GADL1: variants seen among roughly 807,000 people sequenced by gnomAD.
GADL1 encodes acidic amino acid decarboxylase GADL1.
In GADL1, 71 loss-of-function variants were observed where a neutral mutation model predicts 69.5. The ratio of observed to expected loss-of-function variants is 1.02; its 90% confidence interval spans 0.84 to 1.25. The LOEUF (loss-of-function observed/expected upper bound fraction) is 1.25. Ranked by LOEUF, GADL1 falls within the 50% of genes most tolerant of loss-of-function variation. GADL1 has a pLI of 0.00. For missense variants in GADL1, 737 were observed against 631.8 expected (o/e 1.17, Z -1.79); for synonymous variants, 254 against 214.4 (o/e 1.18, Z -1.62).
At chr3:30,816,815 G>T (rs1697485255) in intron 11 of GADL1, among the ~76,000 whole-genome samples, 1 of 151,650 alleles carries the variant, frequency 6.6e-6, no homozygotes, top group African/African-American at 2.4e-5. Context: ...CAAAGTGCTG[G>T]GATTATAGGC....
At chr3:30,836,470 CTG>C (rs762796645) in intron 9 of GADL1, among the ~76,000 whole-genome samples, 40 of 151,632 alleles carry the variant, frequency 2.6e-4, no homozygotes, top group Middle Eastern at 6.9e-3. Context: ...ACTCCAGAAA[CTG>C]TGAAATTATC....
chr3:30,791,406 T>A (rs1447681398), intron 12 of GADL1, among the ~76,000 whole-genome samples: 2 of 152,180 alleles, frequency 1.3e-5, no homozygotes, highest in African/African-American at 4.8e-5. Flanking sequence ...TTTGTGAGTC[T>A]AGGCAAATTC....
At chr3:30,763,523 G>A (rs1018698870) in intron 14 of GADL1, among the ~76,000 whole-genome samples, 1 of 129,498 alleles carries the variant, frequency 7.7e-6, no homozygotes, top group Non-Finnish European at 1.6e-5. Context: ...GTGGGGGTGG[G>A]GGGGAATATT....
chr3:30,751,481 C>G (rs112163762), intron 14 of GADL1, among the ~76,000 whole-genome samples: 49 of 150,876 alleles, frequency 3.2e-4, no homozygotes, highest in African/African-American at 1.2e-3. Context: ...TTCCGAGAAC[C>G]TGGGTAACTA....
chr3:30,850,973 T>TG lies in GADL1; in HGVS notation c.429-33dup. ...AGATATAAAAAACACTTCACTTCTA[T>TG]GACTAGAGTCAAAACATTCCTTTGG... is the stretch of plus-strand genomic sequence containing the variant. On this transcript the variant is annotated intron_variant, in intron 4 of 14. Coordinates refer to ENST00000282538, the MANE Select transcript of GADL1 (RefSeq NM_207359.3). The TG allele has an allele frequency of 3.2e-6, 4 of 1,256,612 alleles. No homozygotes were observed. The South Asian group carries it at 3.9e-5, about 12-fold the overall frequency. 77.8% of individuals were successfully genotyped at this position (1,256,612 alleles called of 1,614,324 possible). A position where few individuals can be genotyped will look rare whatever the true frequency, so the allele number is the denominator to read the frequency against.
intron 7 of GADL1, 48 bp downstream of exon 7, chr3:30,844,339 T>C: frequency 6.4e-7 from 1 of 1,569,578 alleles, no homozygotes; most frequent in Non-Finnish European, 8.8e-7. Flanking sequence ...ATAAACCATA[T>C]AAACTTTTCC....
At chr3:30,868,366 T>C (rs1698433665) in intron 1 of GADL1, among the ~76,000 whole-genome samples, 3 of 152,100 alleles carry the variant, frequency 2.0e-5, no homozygotes, top group African/African-American at 7.2e-5. Context: ...CTCAACATGG[T>C]GAACTCATAT....
rs772628982 is a variant in GADL1, at chr3:30,800,838, CACACACACACACAGAAAGAG to C, written c.1250+31_1250+50del. 7.8e-5 allele frequency: 98 copies of C among 1,249,128 alleles called. No homozygotes were observed. The South Asian group carries it at 1.1e-3, about 14-fold the overall frequency. The allele number at this position is 1,249,128 out of a possible 1,614,324, so 77.4% of individuals were successfully genotyped here. The stretch of plus-strand genomic sequence containing the variant: ...ACACACACACACACACACACACACA[CACACACACACACAGAAAGAG>C]AGAGAGAGAGAGAGAGAGAGAGGCT... On this transcript the variant is annotated intron_variant, in intron 12 of 14. Transcript: ENST00000282538.
chr3:30,755,781 C>T (rs1334126344), intron 14 of GADL1, among the ~76,000 whole-genome samples: 3 of 151,900 alleles, frequency 2.0e-5, no homozygotes, highest in Non-Finnish European at 4.4e-5. Context: ...GTCTAGATAC[C>T]TATGTTGTGA....
intron 1 of GADL1, among the ~76,000 whole-genome samples, chr3:30,891,715 A>G (rs73065064): frequency 0.16 from 24,831 of 152,196 alleles, 2,457 homozygotes; most frequent in Admixed American, 0.3. Context: ...AAGGTTACAT[A>G]AGATGGTATT....
At position 30,801,082 on chromosome 3, in the gene GADL1, G is replaced by C; in HGVS notation, c.1057C>G (p.Leu353Val). 6.2e-7 allele frequency: 1 copy of C among 1,604,660 alleles called. No individual in the cohort carries two copies. The highest frequency in any genetic ancestry group is 8.5e-7 in the Non-Finnish European group (1 of 1,174,698). ...GCCTTGGCAGAGTAGCATTTTTTAA[G>C]AAGATCCTTCGAAAAAGAAAAGATT... is the stretch of plus-strand genomic sequence containing the variant. ...ALLVKDKSDL[L>V]KKCYSAKASY... The change falls in exon 12 of 15, where the codon CTT becomes GTT. Residue 353 changes from leucine to valine, a missense_variant. By Grantham distance (32) the Leu-to-Val change is conservative. Transcript: ENST00000282538.
chr3:30,768,734 A>T (rs569564136), intron 14 of GADL1, among the ~76,000 whole-genome samples: 132 of 152,276 alleles, frequency 8.7e-4, no homozygotes, highest in Non-Finnish European at 1.5e-3. Context: ...AGTGAAGAGA[A>T]GGAACAATTT....
At chr3:30,859,987 C>CA (rs1487776545) in intron 2 of GADL1, among the ~76,000 whole-genome samples, 1 of 151,440 alleles carries the variant, frequency 6.6e-6, no homozygotes, top group African/African-American at 2.4e-5. Flanking sequence ...TTTTTCTGGG[C>CA]AAAAAATGGT....
At chr3:30,816,081 G>T (rs1697463120) in intron 11 of GADL1, among the ~76,000 whole-genome samples, 1 of 152,114 alleles carries the variant, frequency 6.6e-6, no homozygotes, top group African/African-American at 2.4e-5. Flanking sequence ...TATTGAACTT[G>T]CCAGGCCTGC....
intron 14 of GADL1, among the ~76,000 whole-genome samples, chr3:30,759,270 A>T (rs1575188759): frequency 6.6e-6 from 1 of 151,682 alleles, no homozygotes; most frequent in Middle Eastern, 3.4e-3. Context: ...ATTATCTATA[A>T]ATCTTTTTCT....
chr3:30,754,542 A>C (rs772705482), intron 14 of GADL1, among the ~76,000 whole-genome samples: 6 of 152,170 alleles, frequency 3.9e-5, no homozygotes, highest in Non-Finnish European at 7.3e-5. Flanking sequence ...CGCTAAGCTG[A>C]CAGATGACAA....
Position 30,861,610 on chromosome 3 carries a change from T to C in GADL1, c.193A>G (p.Thr65Ala), listed in dbSNP as rs745716817. The C allele has an allele frequency of 6.7e-5, 104 of 1,547,774 alleles. No homozygotes were observed. The highest frequency in any genetic ancestry group is 8.8e-5 in the Non-Finnish European group (101 of 1,145,306). The change falls in exon 2 of 15, where the codon ACA becomes GCA. Residue 65 changes from threonine (T) to alanine (A), a missense_variant. Physicochemically the swap from Thr to Ala is moderately conservative, Grantham distance 58. Transcript: ENST00000282538. ...LIMEEVVLKA[T>A]DVNEKVCEWR... ...ATTTTTACCTTCTCATTGACATCTG[T>C]AGCTTTCAAAACCACCTCTTCCATT...
chr3:30,815,558 T>A (rs900983488), intron 11 of GADL1, among the ~76,000 whole-genome samples: 2 of 152,122 alleles, frequency 1.3e-5, no homozygotes, highest in African/African-American at 2.4e-5. Flanking sequence ...CAACCTTGGC[T>A]GAAAGAGGGA....
intron 11 of GADL1, among the ~76,000 whole-genome samples, chr3:30,821,027 A>C (rs1697569564): frequency 6.6e-6 from 1 of 152,166 alleles, no homozygotes; most frequent in Non-Finnish European, 1.5e-5. Flanking sequence ...TTGTAGGGAC[A>C]TGGATGAAAA....
Sources: allele counts gnomAD v4.1 joint callset (sites outside exome capture counted in the v4.1 genomes callset), GRCh38; gene constraint gnomAD v4.1.1; transcripts MANE v1.5; gene names NCBI Gene and HGNC (gene_info 2026-07-23, HGNC 2026-07-21).